ZNF460: variants seen among roughly 807,000 people sequenced by gnomAD.
The protein encoded by ZNF460 is zinc finger protein 460, also known as zinc finger protein 272.
Under a neutral mutation model 8.4 loss-of-function variants are expected in ZNF460, and 1 was observed. The ratio of observed to expected loss-of-function variants is 0.12; its 90% CI spans 0.04 to 0.56. The LOEUF (loss-of-function observed/expected upper bound fraction) is 0.56. Among genes scored for constraint, ZNF460 ranks in the 20% least tolerant of loss-of-function variants. ZNF460 has a pLI of 0.91. For synonymous variants in ZNF460, 262 were observed against 259.9 expected, an observed-to-expected ratio of 1.01 and a Z score of -0.08; for missense variants, 477 against 714.8, an observed-to-expected ratio of 0.67 and a Z score of 3.79.
intron 2 of ZNF460, among the ~76,000 whole-genome samples, chr19:57,287,651 C>T (rs979729721): frequency 2.0e-5 from 3 of 152,130 alleles, no homozygotes; most frequent in African/African-American, 7.2e-5. Flanking sequence ...AACTGCCCAG[C>T]AGTTCTGCAG....
rs191240759 is a variant in ZNF460, at chr19:57,293,759, C to G, written c.*1529C>G. ...CTTGCTGTAATTTTGTATTTGTTAA[C>G]CAATCTCTATCTGCCTCTCTGCTGT... On this transcript the variant is annotated 3_prime_UTR_variant, in exon 3 of 3. Transcript: ENST00000360338. The G allele has an allele frequency of 6.6e-6, 1 of 152,070 alleles. No individual in the cohort carries two copies. Among genetic ancestry groups the G allele is most frequent in the Non-Finnish European group, 1.5e-5 (1 of 68,028 alleles). The allele number at this position is 152,070 out of a possible 1,614,324, so 9.4% of individuals were successfully genotyped here. A position where few individuals can be genotyped will look rare whatever the true frequency, so the allele number is the denominator to read the frequency against.
intron 1 of ZNF460, among the ~76,000 whole-genome samples, chr19:57,282,217 T>A (rs1458261446): frequency 6.6e-6 from 1 of 152,216 alleles, no homozygotes; most frequent in Non-Finnish European, 1.5e-5. Context: ...GTGGTTCCCC[T>A]TACTCCCTTA....
In ZNF460 at chr19:57,291,222, G is replaced by A. The variant is rs896509747; in HGVS notation, c.681G>A (p.Leu227=). 2 of 1,613,712 alleles carry A rather than the reference G, an allele frequency of 1.2e-6. No individual in the cohort carries two copies. The highest frequency in any genetic ancestry group is 2.7e-5 in the African/African-American group (2 of 74,782). Residue 227 remains leucine (L), a synonymous_variant, in exon 3 of 3, where the codon CTG becomes CTA. Coordinates refer to ENST00000360338, the MANE Select transcript of ZNF460 (RefSeq NM_006635.4). This position sits in a 1 kb window ranked among gnomAD's most constrained non-coding sequence, Gnocchi z 8.4. ...CTGGGGAGAAGCCCTATAAATGCCTGGAGTGTGGGAAAGACTTCAACCGCA... is the reference window on the plus strand; with the variant it reads ...CTGGGGAGAAGCCCTATAAATGCCTAGAGTGTGGGAAAGACTTCAACCGCA... ...IHTGEKPYKC[L]ECGKDFNRRS... is the part of the protein sequence containing the mutation.
intron 2 of ZNF460, among the ~76,000 whole-genome samples, chr19:57,285,918 G>A (rs935551158): frequency 3.9e-5 from 6 of 152,154 alleles, no homozygotes; most frequent in African/African-American, 1.4e-4. Context: ...AAGGTCTGAT[G>A]CCTCAGAGTC....
chr19:57,293,050 A>G lies in ZNF460; in HGVS notation c.*820A>G, dbSNP rs774130763. The stretch of plus-strand genomic sequence containing the variant: ...TTTCTTGATCTGGATCTACTTGTCA[A>G]TTTCTTCTTTATTTTTCTGTAGGAT... On this transcript the variant is annotated 3_prime_UTR_variant, in exon 3 of 3. Coordinates refer to ENST00000360338, the MANE Select transcript of ZNF460 (RefSeq NM_006635.4). 5.3e-5 allele frequency: 8 copies of G among 152,088 alleles called. No individual in the cohort carries two copies. The highest frequency in any genetic ancestry group is 8.8e-5 in the Non-Finnish European group (6 of 68,014). 9.4% of individuals were successfully genotyped at this position (152,088 alleles called of 1,614,324 possible). A position where few individuals can be genotyped will look rare whatever the true frequency, so the allele number is the denominator to read the frequency against.
chr19:57,280,712 G>C lies in ZNF460; in HGVS notation c.-95G>C, dbSNP rs998387374. The stretch of plus-strand genomic sequence containing the variant: ...TTGGGCCTTGTGCGCATTTTTTTCG[G>C]GGGAAAACTGAGGCTCGGAGTGCGA... On this transcript the variant is annotated 5_prime_UTR_variant, in exon 1 of 3. Transcript: ENST00000360338. The C allele has an allele frequency of 3.9e-6, 6 of 1,554,184 alleles. No homozygotes were observed. The highest frequency in any genetic ancestry group is 1.4e-5 in the African/African-American group (1 of 73,362).
At chr19:57,281,238 C>A (rs1038528210) in intron 1 of ZNF460, among the ~76,000 whole-genome samples, 1 of 152,170 alleles carries the variant, frequency 6.6e-6, no homozygotes, top group South Asian at 2.1e-4. Context: ...CTTGCACTTC[C>A]TTTTACTTCG....
chr19:57,283,645 G>A (rs1270570534), intron 1 of ZNF460, among the ~76,000 whole-genome samples: 1 of 151,102 alleles, frequency 6.6e-6, no homozygotes, highest in Non-Finnish European at 1.5e-5. Flanking sequence ...GGGATTGCAG[G>A]CTTGTGCCAC....
At chr19:57,283,242 T>C (rs1007132871) in intron 1 of ZNF460, among the ~76,000 whole-genome samples, 11 of 151,858 alleles carry the variant, frequency 7.2e-5, no homozygotes, top group Non-Finnish European at 5.9e-5. Context: ...CGATCTCGGC[T>C]CACTGCAACC....
At chr19:57,288,354 G>A (rs946246682) in intron 2 of ZNF460, among the ~76,000 whole-genome samples, 22 of 152,022 alleles carry the variant, frequency 1.4e-4, no homozygotes, top group Admixed American at 1.4e-3. Flanking sequence ...TACAACGTCC[G>A]GCTAATTTAT....
intron 2 of ZNF460, among the ~76,000 whole-genome samples, chr19:57,290,153 A>C (rs2122894296): frequency 6.6e-6 from 1 of 151,854 alleles, no homozygotes; most frequent in Non-Finnish European, 1.5e-5. Flanking sequence ...AAAAATAAAC[A>C]AAAAAAAGCC....
intron 1 of ZNF460, among the ~76,000 whole-genome samples, chr19:57,281,556 A>ATTTTTTTTTTT (rs71293946): frequency 2.4e-5 from 2 of 85,042 alleles, no homozygotes; most frequent in Non-Finnish European, 4.4e-5. Flanking sequence ...TAACCCTGAA[A>ATTTTTTTTTTT]TTTTTTTTTT....
chr19:57,286,642 C>T (rs940087275), intron 2 of ZNF460, among the ~76,000 whole-genome samples: 1 of 152,024 alleles, frequency 6.6e-6, no homozygotes, highest in African/African-American at 2.4e-5. Flanking sequence ...TAAGCTATAA[C>T]TCATATGCTG....
chr19:57,292,270 T>G lies in ZNF460; in HGVS notation c.*40T>G. On this transcript the variant is annotated 3_prime_UTR_variant, in exon 3 of 3. Transcript: ENST00000360338. ...CTTTTTACGTACACTTCAGTCAACA[T>G]CCAAGAATTCCTATTAGCGAAATAG... The G allele has an allele frequency of 1.3e-6, 2 of 1,545,030 alleles. No individual in the cohort carries two copies. Among genetic ancestry groups the G allele is most frequent in the Non-Finnish European group, 1.8e-6 (2 of 1,142,762 alleles).
chr19:57,289,321 G>T (rs536688157), intron 2 of ZNF460, among the ~76,000 whole-genome samples: 2 of 152,066 alleles, frequency 1.3e-5, no homozygotes, highest in Non-Finnish European at 2.9e-5. Flanking sequence ...CATCAGCTTC[G>T]TCTCCGCCCC....
At chr19:57,281,401 C>T (rs1453584884) in intron 1 of ZNF460, among the ~76,000 whole-genome samples, 3 of 151,888 alleles carry the variant, frequency 2.0e-5, no homozygotes, top group African/African-American at 7.3e-5. Flanking sequence ...TGTAGATAAT[C>T]TGATGGTATT....
chr19:57,290,659 C>T (rs769190576), intron 2 of ZNF460, 40 bp from the exon 3 acceptor site: 1 of 1,552,230 alleles, frequency 6.4e-7, no homozygotes, highest in Non-Finnish European at 8.7e-7. Flanking sequence ...TTCTTCTGTA[C>T]TATCTTAATA....
At chr19:57,285,433 G>T (rs903737003) in intron 2 of ZNF460, among the ~76,000 whole-genome samples, 7 of 152,070 alleles carry the variant, frequency 4.6e-5, no homozygotes, top group African/African-American at 1.7e-4. Context: ...ACATTCCTTG[G>T]CACTACTACT....
At chr19:57,287,992 A>C (rs1269652789) in intron 2 of ZNF460, among the ~76,000 whole-genome samples, 2 of 152,102 alleles carry the variant, frequency 1.3e-5, no homozygotes, top group Non-Finnish European at 2.9e-5. Context: ...CCATCTCAAA[A>C]AAACAAACAA....
Sources: gnomAD v4.1 joint callset for allele counts (sites outside exome capture counted in the v4.1 genomes callset) on GRCh38, gnomAD v4.1.1 for gene constraint, Gnocchi (gnomAD v3.1) non-coding constraint, MANE v1.5 for transcripts, NCBI Gene and HGNC (gene_info 2026-07-23, HGNC 2026-07-21) for gene names.